TADA3: variants seen among roughly 807,000 people sequenced by gnomAD.
TADA3 encodes transcriptional adapter 3.
In TADA3, 25 loss-of-function variants were observed where a neutral mutation model predicts 43.2. The ratio of observed to expected loss-of-function variants is 0.58; its 90% CI spans 0.42 to 0.81. TADA3 has a LOEUF of 0.81. Ranked by LOEUF, TADA3 falls within the 30% of genes least tolerant of loss-of-function variation. The pLI is 0.00. For missense variants in TADA3, 441 were observed against 567.8 expected (o/e 0.78, Z 2.27); for synonymous variants, 235 against 225.5 (o/e 1.04, Z -0.38).
intron 5 of TADA3, 26 bp downstream of exon 5, chr3:9,787,173 G>C: frequency 6.2e-7 from 1 of 1,614,190 alleles, no homozygotes; most frequent in Non-Finnish European, 8.5e-7. Flanking sequence ...CCTGACCTGG[G>C]GTTGGCAGGG....
intron 2 of TADA3, among the ~76,000 whole-genome samples, chr3:9,790,465 G>A (rs2078703254): frequency 6.6e-6 from 1 of 152,162 alleles, no homozygotes; most frequent in South Asian, 2.1e-4. Flanking sequence ...GCTCCAACGT[G>A]CACCCAATCG....
At position 9,785,317 on chromosome 3, in the gene TADA3, T is replaced by C. The variant is rs1240811935; in HGVS notation, c.919A>G (p.Ser307Gly). 6.2e-7 allele frequency: 1 copy of C among 1,612,518 alleles called. No individual in the cohort carries two copies. Among genetic ancestry groups the C allele is most frequent in the South Asian group, 1.1e-5 (1 of 90,886 alleles). ...TSPRNQNKPFSVPHTKSLESR... is the reference protein window; with the variant it reads ...TSPRNQNKPFGVPHTKSLESR... ...GGTTGTGGATAGGACACCACTCACC[T>C]GAAGGGCTTGTTCTGATTGCGAGGG... The change falls in exon 7 of 9, where the codon AGT becomes GGT. Residue 307 changes from serine to glycine, a missense_variant and splice_region_variant. By Grantham distance (56) the Ser-to-Gly change is moderately conservative. Transcript: ENST00000301964.
At chr3:9,791,557 C>T (rs565573681) in intron 1 of TADA3, 64 bp from the exon 2 acceptor site, 13 of 976,164 alleles carry the variant, frequency 1.3e-5, no homozygotes, top group Non-Finnish European at 1.8e-5. Context: ...GGGCTTCTTA[C>T]CTCCAGGGAC....
intron 4 of TADA3, 160 bp from the exon 5 acceptor site, chr3:9,787,500 G>A: frequency 9.0e-7 from 1 of 1,107,726 alleles, no homozygotes; most frequent in South Asian, 1.6e-5. Flanking sequence ...GATAAAACCT[G>A]TACTTCACAC....
At chr3:9,786,613 G>C (rs758552710) in intron 6 of TADA3, among the ~76,000 whole-genome samples, 4 of 152,276 alleles carry the variant, frequency 2.6e-5, no homozygotes, top group Non-Finnish European at 4.4e-5. Context: ...CCACTGTCCT[G>C]GCCTCCAGTG....
chr3:9,791,415 C>T lies in TADA3; in HGVS notation c.52G>A (p.Asp18Asn). The change falls in exon 2 of 9, where the codon GAT becomes AAT. Residue 18 changes from aspartate to asparagine, a missense_variant. Transcript: ENST00000301964. ...TAGCGGGGACAGACCTTCAGGTGAT[C>T]CACAGACTTGAAGTCGTGGAACTGC... ...PLQFHDFKSV[D>N]HLKVCPRYTA... 1.2e-6 allele frequency: 2 copies of T among 1,614,080 alleles called. No individual in the cohort carries two copies. The highest frequency in any genetic ancestry group is 1.7e-6 in the Non-Finnish European group (2 of 1,179,956).
At chr3:9,787,752 G>A (rs1457888563) in intron 4 of TADA3, 1 of 1,268,632 alleles carries the variant, frequency 7.9e-7, no homozygotes, top group Non-Finnish European at 1.0e-6. Flanking sequence ...AATCAGATAA[G>A]TGAAGTGAAA....
intron 7 of TADA3, among the ~76,000 whole-genome samples, chr3:9,784,864 C>CAAA (rs56673103): frequency 7.2e-5 from 7 of 97,408 alleles, no homozygotes; most frequent in Admixed American, 3.4e-4. Flanking sequence ...GACTCCATCT[C>CAAA]AAAAAAAAAA....
Position 9,785,365 on chromosome 3 carries a change from C to A in TADA3, c.871G>T (p.Gly291Trp), listed in dbSNP as rs753598243. Residue 291 changes from glycine to tryptophan, a missense_variant, in exon 7 of 9, where the codon GGG becomes TGG. Transcript: ENST00000301964. Reference protein sequence around the residue: ...PIPDMSGKESGADGASTSPRN... With the variant: ...PIPDMSGKESWADGASTSPRN... The stretch of plus-strand genomic sequence containing the variant: ...GGGGAGGTGCTTGCCCCGTCAGCCC[C>A]TGATTCTTTCCCAGACATGTCAGGA... 1.9e-6 allele frequency: 3 copies of A among 1,613,892 alleles called. No individual in the cohort carries two copies. In the African/African-American group the frequency reaches 4.0e-5, roughly 22 times the overall value.
In TADA3 at chr3:9,787,317, G is replaced by A. The variant is rs372911265; in HGVS notation, c.588C>T (p.Tyr196=). ...GGTCCTCCTGGGCCCAGCGCTGGGAGTAGTGCTTCCCCAGGGGTGGGATCT... is the reference window on the plus strand; with the variant it reads ...GGTCCTCCTGGGCCCAGCGCTGGGAATAGTGCTTCCCCAGGGGTGGGATCT... The part of the protein sequence containing the change: ...HYKIPPLGKH[Y]SQRWAQEDLL... The change falls in exon 5 of 9, where the codon TAC becomes TAT. Residue 196 remains tyrosine, a synonymous_variant. Transcript: ENST00000301964. 5 of 1,613,184 alleles carry A rather than the reference G, an allele frequency of 3.1e-6. No individual in the cohort carries two copies. The highest frequency in any genetic ancestry group is 2.7e-5 in the African/African-American group (2 of 74,916).
At chr3:9,792,730 G>A, upstream of TADA3, 3 of 1,237,096 alleles carry the variant, frequency 2.4e-6, no homozygotes, top group South Asian at 3.7e-5. Flanking sequence ...AGAAAGGATG[G>A]GGGTACAGAA....
rs1467768679 is a variant in TADA3 at position 9,784,061 on chromosome 3, G to A, written c.1073C>T (p.Ala358Val). 1 of 1,614,102 alleles carries A rather than the reference G, an allele frequency of 6.2e-7. No homozygotes were observed. Among genetic ancestry groups the A allele is most frequent in the Non-Finnish European group, 8.5e-7 (1 of 1,179,982 alleles). ...KRQAELKALS[A>V]HNRTKKHDLL... ...GTCGTGCTTCTTGGTGCGGTTGTGG[G>A]CACTAAGTGCCTTCAGCTCAGCCTG... Residue 358 changes from alanine to valine, a missense_variant, in exon 8 of 9, where the codon GCC (alanine) becomes GTC (valine). Ala to Val is a moderately conservative substitution (Grantham distance 64, BLOSUM62 0). Transcript: ENST00000301964.
chr3:9,787,023 G>A lies in TADA3; in HGVS notation c.793C>T (p.Leu265=). 2 of 1,614,212 alleles carry A rather than the reference G, an allele frequency of 1.2e-6. No individual in the cohort carries two copies. Among genetic ancestry groups the A allele is most frequent in the Non-Finnish European group, 1.7e-6 (2 of 1,180,034 alleles). ...CPFGALTQRL[L]QALVEENIIS... is the part of the protein sequence containing the mutation. ...CTGCTCACCTCCACCAGGGCCTGCA[G>A]GAGGCGCTGCGTCAGGGCACCAAAG... The change falls in exon 6 of 9, where the codon CTG becomes TTG. Residue 265 remains leucine, a synonymous_variant. Transcript: ENST00000301964.
At chr3:9,790,319 C>T (rs545461095) in intron 2 of TADA3, among the ~76,000 whole-genome samples, 10 of 152,354 alleles carry the variant, frequency 6.6e-5, no homozygotes, top group South Asian at 2.1e-4. Context: ...TACCCAGGTT[C>T]TTAGATGCTA....
At chr3:9,782,027 G>A (rs574875926) in intron 8 of TADA3, among the ~76,000 whole-genome samples, 6 of 151,764 alleles carry the variant, frequency 4.0e-5, no homozygotes, top group Admixed American at 2.0e-4. Flanking sequence ...AGTAGAGAAG[G>A]GGGTCTGACT....
At chr3:9,787,487 G>A (rs2290309) in intron 4 of TADA3, 147 bp from the exon 5 acceptor site, 576,926 of 1,208,596 alleles carry the variant, frequency 0.48, 145,156 homozygotes, top group Non-Finnish European at 0.52. Context: ...AAAGTACAAC[G>A]AAGATAAAAC....
chr3:9,781,221 A>C (rs1305432862), intron 8 of TADA3, among the ~76,000 whole-genome samples: 1 of 152,100 alleles, frequency 6.6e-6, no homozygotes, highest in Non-Finnish European at 1.5e-5. Flanking sequence ...GGAGGCAGGA[A>C]GATCACTTGA....
At chr3:9,791,799 T>G (rs1186100281) in intron 1 of TADA3, among the ~76,000 whole-genome samples, 1 of 152,078 alleles carries the variant, frequency 6.6e-6, no homozygotes, top group African/African-American at 2.4e-5. Context: ...AGATGCAATT[T>G]GAACCCCGCT....
Position 9,789,747 on chromosome 3 carries a change from C to T in TADA3, c.424G>A (p.Val142Met). 9 of 1,613,798 alleles carry T rather than the reference C, an allele frequency of 5.6e-6. No individual in the cohort carries two copies. Among genetic ancestry groups the T allele is most frequent in the Non-Finnish European group, 7.6e-6 (9 of 1,179,682 alleles). Reference protein sequence around the residue: ...EYEFTDDPIDVPRIPKNDAPN... With the variant: ...EYEFTDDPIDMPRIPKNDAPN... The stretch of plus-strand genomic sequence containing the variant: ...GCATCATTTTTGGGGATCCGTGGCA[C>T]GTCGATAGGGTCATCAGTGAATTCA... The change falls in exon 3 of 9, where the codon GTG becomes ATG. Residue 142 changes from valine (V) to methionine (M), a missense_variant. Physicochemically the swap from Val to Met is conservative, Grantham distance 21 (BLOSUM62 1). Coordinates refer to ENST00000301964, the MANE Select transcript of TADA3 (RefSeq NM_006354.5).
Sources: allele counts gnomAD v4.1 joint callset (sites outside exome capture counted in the v4.1 genomes callset), GRCh38; gene constraint gnomAD v4.1.1; transcripts MANE v1.5; gene names NCBI Gene and HGNC (gene_info 2026-07-23, HGNC 2026-07-21).